The following THSD4 variants were observed in gnomAD, a reference collection of about 807,000 sequenced individuals.
The protein encoded by THSD4 is thrombospondin type-1 domain-containing protein 4.
A neutral mutation model predicts 119.0 loss-of-function variants in THSD4; 69 were observed. The ratio of observed to expected loss-of-function variants is 0.58; its 90% confidence interval spans 0.48 to 0.71. The LOEUF (loss-of-function observed/expected upper bound fraction) is 0.71. Among genes scored for constraint, THSD4 ranks in the 30% least tolerant of loss-of-function variants. The pLI, the probability that THSD4 is intolerant of heterozygous loss-of-function variation, is 0.00. For synonymous variants in THSD4, 524 were observed against 540.4 expected, an observed-to-expected ratio of 0.97 and a Z score of 0.42; for missense variants, 1,393 against 1,391.1, an observed-to-expected ratio of 1.00 and a Z score of -0.02.
chr15:71,747,021 G>A lies in THSD4; in HGVS notation c.2220G>A (p.Gln740=). ...TCQLKICSEW[Q]IRTDWTSCSV... The stretch of plus-strand genomic sequence containing the variant: ...AACTCAAGATCTGCAGCGAGTGGCA[G>A]ATCCGGACCGACTGGACCTCGGTAC... Residue 740 remains glutamine, a synonymous_variant, in exon 13 of 18, where the codon CAG becomes CAA. Coordinates refer to ENST00000261862, the MANE Select transcript of THSD4 (RefSeq NM_024817.3). The A allele has an allele frequency of 6.2e-7, 1 of 1,610,504 alleles. No homozygotes were observed. Among genetic ancestry groups the A allele is most frequent in the Non-Finnish European group, 8.5e-7 (1 of 1,179,304 alleles).
chr15:71,243,176 A>G, intron 5 of THSD4, 80 bp downstream of exon 5: 1 of 1,423,506 alleles, frequency 7.0e-7, no homozygotes, highest in East Asian at 2.3e-5. Context: ...CATGATGAAG[A>G]CAGCAAGGAT....
At chr15:71,580,221 G>A (rs2049532650) in intron 7 of THSD4, among the ~76,000 whole-genome samples, 1 of 152,096 alleles carries the variant, frequency 6.6e-6, no homozygotes, top group African/African-American at 2.4e-5. Context: ...AGAGAGATAT[G>A]GAGAGATGTA....
At chr15:71,120,904 C>G (rs1047051612) in intron 1 of THSD4, among the ~76,000 whole-genome samples, 3 of 152,182 alleles carry the variant, frequency 2.0e-5, no homozygotes, top group African/African-American at 7.2e-5. Flanking sequence ...GGGATGCAGC[C>G]ATGTGACTAC....
intron 6 of THSD4, among the ~76,000 whole-genome samples, chr15:71,360,084 G>C (rs2045871700): frequency 6.6e-6 from 1 of 152,160 alleles, no homozygotes; most frequent in African/African-American, 2.4e-5. Flanking sequence ...TACTCAGATG[G>C]TGGCTGAGGC....
At chr15:71,344,859 GT>G (rs2045633461) in intron 6 of THSD4, among the ~76,000 whole-genome samples, 1 of 152,056 alleles carries the variant, frequency 6.6e-6, no homozygotes, top group Non-Finnish European at 1.5e-5. Flanking sequence ...TGAAAATGGT[GT>G]ACTCTCCATG....
At chr15:71,716,442 C>T (rs1433920025) in intron 8 of THSD4, among the ~76,000 whole-genome samples, 1 of 152,200 alleles carries the variant, frequency 6.6e-6, no homozygotes, top group Non-Finnish European at 1.5e-5. Context: ...AGTAAATCCA[C>T]ACTACAGTGC....
chr15:71,461,370 T>G (rs937507926), intron 7 of THSD4, among the ~76,000 whole-genome samples: 1 of 152,138 alleles, frequency 6.6e-6, no homozygotes, highest in Non-Finnish European at 1.5e-5. Flanking sequence ...GTCCCAGAAG[T>G]CATACCCTGT....
At chr15:71,463,688 C>G (rs2047457687) in intron 7 of THSD4, among the ~76,000 whole-genome samples, 1 of 152,168 alleles carries the variant, frequency 6.6e-6, no homozygotes, top group African/African-American at 2.4e-5. Flanking sequence ...TATCTATTGA[C>G]CGACCTCTTG....
At chr15:71,492,958 A>C (rs1229892237) in intron 7 of THSD4, among the ~76,000 whole-genome samples, 14 of 152,124 alleles carry the variant, frequency 9.2e-5, no homozygotes, top group Admixed American at 9.2e-4. Flanking sequence ...TAATGAGGAA[A>C]GTAGCCCCTC....
intron 1 of THSD4, among the ~76,000 whole-genome samples, chr15:71,131,288 ATGTAT>A (rs986736504): frequency 1.3e-5 from 2 of 152,060 alleles, no homozygotes; most frequent in African/African-American, 4.8e-5. Flanking sequence ...CTAAATAAAA[ATGTAT>A]TTATTTAATA....
chr15:71,675,251 G>A (rs2051617950), intron 8 of THSD4, among the ~76,000 whole-genome samples: 3 of 152,080 alleles, frequency 2.0e-5, no homozygotes, highest in Non-Finnish European at 2.9e-5. Context: ...TTAATACATG[G>A]CAGAAGAATA....
intron 7 of THSD4, among the ~76,000 whole-genome samples, chr15:71,611,153 C>T (rs1467526274): frequency 6.6e-6 from 1 of 152,176 alleles, no homozygotes; most frequent in Non-Finnish European, 1.5e-5. Context: ...TGCCATTTTA[C>T]CAGTTTTGCA....
intron 7 of THSD4, among the ~76,000 whole-genome samples, chr15:71,431,233 C>T (rs985841915): frequency 2.6e-5 from 4 of 152,182 alleles, no homozygotes; most frequent in Admixed American, 1.3e-4. Context: ...AATCCTTAAT[C>T]AGTTGATGCC....
chr15:71,656,441 T>A (rs1225892292), intron 7 of THSD4, among the ~76,000 whole-genome samples: 1 of 152,220 alleles, frequency 6.6e-6, no homozygotes, highest in Non-Finnish European at 1.5e-5. Flanking sequence ...ATTCACACAC[T>A]GTGTATAAAG....
intron 7 of THSD4, among the ~76,000 whole-genome samples, chr15:71,507,094 A>G (rs2048201489): frequency 6.6e-6 from 1 of 152,194 alleles, no homozygotes; most frequent in South Asian, 2.1e-4. Context: ...TTAAAATGAG[A>G]CATGAGCACA....
chr15:71,468,234 G>C (rs12903237), intron 7 of THSD4, among the ~76,000 whole-genome samples: 2 of 152,090 alleles, frequency 1.3e-5, no homozygotes, highest in South Asian at 4.2e-4. Context: ...CTTCCCCTTC[G>C]CCTTCCACCA....
rs577650488 is a variant in THSD4, at chr15:71,777,533, C to A, written c.*159C>A. ...CTCCGGTGAATGCACCCCGTGGTAC[C>A]CAGGGGCTTTTTACACAAGATGTTT... On this transcript the variant is annotated 3_prime_UTR_variant, in exon 18 of 18. Coordinates refer to ENST00000261862, the MANE Select transcript of THSD4 (RefSeq NM_024817.3). 3.0e-6 allele frequency: 3 copies of A among 991,956 alleles called. No individual in the cohort carries two copies. The highest frequency in any genetic ancestry group is 2.9e-6 in the Non-Finnish European group (2 of 692,560). 61.4% of individuals were successfully genotyped at this position (991,956 alleles called of 1,614,324 possible).
At chr15:71,169,080 A>G (rs1262705406) in intron 3 of THSD4, among the ~76,000 whole-genome samples, 5 of 152,372 alleles carry the variant, frequency 3.3e-5, no homozygotes, top group East Asian at 3.9e-4. Flanking sequence ...TTCAGAATAT[A>G]TAAAGAACCC....
chr15:71,490,575 A>T (rs2047902432), intron 7 of THSD4, among the ~76,000 whole-genome samples: 1 of 148,240 alleles, frequency 6.7e-6, no homozygotes, highest in Non-Finnish European at 1.5e-5. Context: ...AAAAAAAAAA[A>T]AAAAACATTA....
Sources: gnomAD v4.1 joint callset for allele counts (sites outside exome capture counted in the v4.1 genomes callset) on GRCh38, gnomAD v4.1.1 for gene constraint, MANE v1.5 for transcripts, NCBI Gene and HGNC (gene_info 2026-07-23, HGNC 2026-07-21) for gene names.